Variants in CDK17 observed in about 807,000 individuals in gnomAD.
CDK17 encodes the protein cyclin-dependent kinase 17.
In CDK17, 24 loss-of-function variants were observed where a neutral mutation model predicts 77.6. The ratio of observed to expected loss-of-function variants is 0.31; its 90% CI spans 0.22 to 0.44. The LOEUF (loss-of-function observed/expected upper bound fraction) is 0.44. Among genes scored for constraint, CDK17 ranks in the 20% least tolerant of loss-of-function variants. The pLI, the probability that CDK17 is intolerant of heterozygous loss-of-function variation, is 1.00. For synonymous variants in CDK17, 203 were observed against 210.4 expected, an observed-to-expected ratio of 0.96 and a Z score of 0.30; for missense variants, 429 against 622.5, an observed-to-expected ratio of 0.69 and a Z score of 3.31.
intron 1 of CDK17, among the ~76,000 whole-genome samples, chr12:96,338,660 G>A (rs911819858): frequency 6.6e-5 from 10 of 151,934 alleles, no homozygotes; most frequent in Admixed American, 5.2e-4. Context: ...CAAAGTGCTG[G>A]GATTACAGGC....
chr12:96,373,480 G>A (rs1953726226), intron 1 of CDK17, among the ~76,000 whole-genome samples: 1 of 152,138 alleles, frequency 6.6e-6, no homozygotes. Context: ...TGTAATTGCA[G>A]CTACTAGGGA....
chr12:96,312,573 T>C (rs1448689854), intron 4 of CDK17, among the ~76,000 whole-genome samples: 1 of 152,188 alleles, frequency 6.6e-6, no homozygotes, highest in Non-Finnish European at 1.5e-5. Flanking sequence ...CCTTTTATAA[T>C]GAAAATATAA....
At chr12:96,324,347 A>C (rs1395215566) in intron 2 of CDK17, among the ~76,000 whole-genome samples, 4 of 152,254 alleles carry the variant, frequency 2.6e-5, no homozygotes, top group African/African-American at 7.2e-5. Context: ...TATATAATCA[A>C]AAGTGGCTAA....
chr12:96,296,992 G>A (rs1952416137), intron 9 of CDK17, among the ~76,000 whole-genome samples: 1 of 151,946 alleles, frequency 6.6e-6, no homozygotes, highest in African/African-American at 2.4e-5. Flanking sequence ...TTTTAAAGCA[G>A]AATACACCTG....
chr12:96,331,972 G>A (rs1952978227), intron 2 of CDK17, among the ~76,000 whole-genome samples: 1 of 152,162 alleles, frequency 6.6e-6, no homozygotes, highest in Admixed American at 6.5e-5. Context: ...ATATACAACA[G>A]TGGTCTCATA....
intron 5 of CDK17, among the ~76,000 whole-genome samples, chr12:96,301,042 C>T (rs1414983061): frequency 6.6e-6 from 1 of 152,002 alleles, no homozygotes; most frequent in Non-Finnish European, 1.5e-5. Context: ...AATAATTTTC[C>T]TATGTATTTT....
intron 1 of CDK17, among the ~76,000 whole-genome samples, chr12:96,392,398 A>G (rs1954083371): frequency 6.6e-6 from 1 of 152,254 alleles, no homozygotes; most frequent in Non-Finnish European, 1.5e-5. Context: ...AATAAGATAC[A>G]TATATAAACA....
In CDK17 at chr12:96,361,280, G is replaced by A. The variant is rs558264902; in HGVS notation, c.-29-26415C>T. 9.8e-5 allele frequency among the ~76,000 whole-genome samples: 15 copies of A among 152,288 alleles called. No individual in the cohort carries two copies. The East Asian group carries it at 1.5e-3, about 16-fold the overall frequency. On this transcript the variant is annotated intron_variant, in intron 1 of 16. Transcript: ENST00000261211. ...ATTTGCCACTCCTTTTCCTACCAGG[G>A]TGAAGCTTTGTTGCTGTGGAGACAT...
chr12:96,361,033 C>T (rs1953485250), intron 1 of CDK17, among the ~76,000 whole-genome samples: 1 of 152,128 alleles, frequency 6.6e-6, no homozygotes, highest in African/African-American at 2.4e-5. Flanking sequence ...AAAGGGAAGT[C>T]GTAGGAACTA....
chr12:96,317,883 G>A (rs1952754797), intron 3 of CDK17, among the ~76,000 whole-genome samples: 1 of 147,928 alleles, frequency 6.8e-6, no homozygotes, highest in Non-Finnish European at 1.5e-5. Context: ...GGAAGAAACT[G>A]CATCAACTAA....
chr12:96,323,268 T>TAAAA (rs67003722), intron 3 of CDK17, among the ~76,000 whole-genome samples: 3 of 96,808 alleles, frequency 3.1e-5, no homozygotes, highest in African/African-American at 1.0e-4. Context: ...CCCCGTCTTC[T>TAAAA]AAAAAAAAAA....
chr12:96,335,130 T>C (rs1307953399), intron 1 of CDK17: 3 of 480,262 alleles, frequency 6.2e-6, no homozygotes, highest in African/African-American at 2.0e-5. Flanking sequence ...TTTAGAAGGA[T>C]TGGAAATTTT....
At chr12:96,310,587 GA>G (rs1299744535) in intron 5 of CDK17, among the ~76,000 whole-genome samples, 3 of 151,890 alleles carry the variant, frequency 2.0e-5, no homozygotes, top group Admixed American at 2.0e-4. Flanking sequence ...TAAGTAAAGA[GA>G]AAGGGAACAG....
At chr12:96,285,929 C>A in intron 13 of CDK17, 114 bp downstream of exon 13, 1 of 547,680 alleles carries the variant, frequency 1.8e-6, no homozygotes, top group Non-Finnish European at 3.4e-6. Flanking sequence ...TCCTAAAATA[C>A]GTAAGGGTTA....
At chr12:96,338,407 A>C (rs1034176649) in intron 1 of CDK17, among the ~76,000 whole-genome samples, 1 of 152,204 alleles carries the variant, frequency 6.6e-6, no homozygotes, top group Non-Finnish European at 1.5e-5. Context: ...CCTTCGAGCA[A>C]ATCATCAAGC....
chr12:96,290,147 G>A (rs543718539), intron 10 of CDK17, among the ~76,000 whole-genome samples: 2 of 152,306 alleles, frequency 1.3e-5, no homozygotes, highest in African/African-American at 4.8e-5. Flanking sequence ...GGACAAGCTT[G>A]CTGTAAGTGA....
At chr12:96,324,757 A>G (rs527411867) in intron 2 of CDK17, among the ~76,000 whole-genome samples, 38 of 151,466 alleles carry the variant, frequency 2.5e-4, no homozygotes, top group Admixed American at 9.9e-4. Flanking sequence ...ACAGAGCAAG[A>G]CTCCGTCTCA....
At chr12:96,393,174 C>T (rs565507164) in intron 1 of CDK17, among the ~76,000 whole-genome samples, 2 of 149,894 alleles carry the variant, frequency 1.3e-5, no homozygotes, top group South Asian at 2.1e-4. Context: ...ACCAGCCTGG[C>T]CAAGATAGTG....
chr12:96,356,096 TA>T (rs1953389164), intron 1 of CDK17, among the ~76,000 whole-genome samples: 1 of 152,178 alleles, frequency 6.6e-6, no homozygotes, highest in African/African-American at 2.4e-5. Context: ...AAAGATAAAA[TA>T]TTAACTCTGT....
Sources: allele counts gnomAD v4.1 joint callset (sites outside exome capture counted in the v4.1 genomes callset), GRCh38; gene constraint gnomAD v4.1.1; transcripts MANE v1.5; gene names NCBI Gene and HGNC (gene_info 2026-07-23, HGNC 2026-07-21).